The following VPS13C variants were observed in gnomAD, a reference collection of about 807,000 sequenced individuals.
VPS13C encodes the protein vacuolar protein sorting 13 homolog C, also known as intermembrane lipid transfer protein VPS13C.
In VPS13C, 358 loss-of-function variants were observed where a neutral mutation model predicts 456.8. The ratio of observed to expected loss-of-function variants is 0.78; its 90% CI spans 0.72 to 0.86. The LOEUF is 0.86. Ranked by LOEUF, VPS13C falls within the 40% of genes least tolerant of loss-of-function variation. The pLI, the probability that VPS13C is intolerant of heterozygous loss-of-function variation, is 0.00. For synonymous variants in VPS13C, 1,578 were observed against 1,486.7 expected, an observed-to-expected ratio of 1.06 and a Z score of -1.41; for missense variants, 4,818 against 4,385.4, an observed-to-expected ratio of 1.10 and a Z score of -2.79.
rs567814957 is a variant in VPS13C, at chr15:62,001,469, G to A, written c.1291-843C>T. Among the ~76,000 whole-genome samples, 6 of 152,122 alleles carry A rather than the reference G, an allele frequency of 3.9e-5. No individual in the cohort carries two copies. In the East Asian group the frequency reaches 7.7e-4, roughly 20 times the overall value. On this transcript the variant is annotated intron_variant, in intron 15 of 84. Coordinates refer to ENST00000644861, the MANE Select transcript of VPS13C (RefSeq NM_020821.3). ...ACATTAAGCAAATTATGTATCCAGT[G>A]TGTTTCTACCTTTTATTTTTTTTGA...
At chr15:62,041,870 G>T (rs1157738289) in intron 2 of VPS13C, among the ~76,000 whole-genome samples, 1 of 151,842 alleles carries the variant, frequency 6.6e-6, no homozygotes, top group Non-Finnish European at 1.5e-5. Context: ...GAATTCACAA[G>T]AGAAACAAAA....
intron 23 of VPS13C, among the ~76,000 whole-genome samples, chr15:61,978,105 G>A (rs1428697515): frequency 6.6e-6 from 1 of 151,718 alleles, no homozygotes; most frequent in Non-Finnish European, 1.5e-5. Context: ...CAAAGCTTTT[G>A]GAAAATAATT....
At chr15:62,024,491 T>C (rs1378794616) in intron 6 of VPS13C, among the ~76,000 whole-genome samples, 2 of 152,050 alleles carry the variant, frequency 1.3e-5, no homozygotes, top group Non-Finnish European at 2.9e-5. Flanking sequence ...CTTACAAATC[T>C]TCATACTCAA....
rs1028099783 is a variant in VPS13C, at chr15:61,884,178, G to A, written c.9433C>T (p.His3145Tyr). ...IILLEQSYQK[H>Y]QISRDHGWIK... ...CAGCCATGGTCTCTTGATATTTGATGTTTCTGATAGGATTGTTCCAATAAG... is the reference window on the plus strand; with the variant it reads ...CAGCCATGGTCTCTTGATATTTGATATTTCTGATAGGATTGTTCCAATAAG... Residue 3145 changes from histidine to tyrosine, a missense_variant, in exon 68 of 85, where the codon CAT becomes TAT. Physicochemically the swap from His to Tyr is moderately conservative, Grantham distance 83 (BLOSUM62 2). Transcript: ENST00000644861. The A allele has an allele frequency of 6.2e-7, 1 of 1,609,292 alleles. No individual in the cohort carries two copies. Among genetic ancestry groups the A allele is most frequent in the South Asian group, 1.1e-5 (1 of 90,242 alleles).
chr15:61,868,580 T>G, intron 81 of VPS13C, 79 bp downstream of exon 81: 1 of 1,239,156 alleles, frequency 8.1e-7, no homozygotes, highest in Admixed American at 2.0e-5. Context: ...TCAGGAACTT[T>G]AAGAACCACC....
At chr15:61,937,788 A>T (rs2044277783) in intron 47 of VPS13C, among the ~76,000 whole-genome samples, 1 of 151,928 alleles carries the variant, frequency 6.6e-6, no homozygotes, top group African/African-American at 2.4e-5. Context: ...AATAGGCATA[A>T]TACCAACTTT....
chr15:61,884,763 C>G (rs1352641165), intron 67 of VPS13C, among the ~76,000 whole-genome samples: 1 of 152,002 alleles, frequency 6.6e-6, no homozygotes, highest in Non-Finnish European at 1.5e-5. Context: ...AAATGTTCAT[C>G]TATTAATGGT....
chr15:61,895,619 CACAA>C (rs1322875393), intron 66 of VPS13C, among the ~76,000 whole-genome samples: 1 of 152,070 alleles, frequency 6.6e-6, no homozygotes, highest in Non-Finnish European at 1.5e-5. Context: ...AATTTCTGGA[CACAA>C]ACAGTCTGCT....
intron 9 of VPS13C, among the ~76,000 whole-genome samples, chr15:62,015,576 C>T (rs1226743509): frequency 7.2e-6 from 1 of 138,016 alleles, no homozygotes; most frequent in Non-Finnish European, 1.5e-5. Context: ...CACATATACA[C>T]CATGGAATAC....
chr15:62,054,278 C>A (rs1008270055), intron 1 of VPS13C, among the ~76,000 whole-genome samples: 3 of 152,252 alleles, frequency 2.0e-5, no homozygotes, highest in African/African-American at 7.2e-5. Context: ...TATGTACCCA[C>A]CAGGCACTTT....
At chr15:61,865,558 G>A in intron 81 of VPS13C, 1 of 850,350 alleles carries the variant, frequency 1.2e-6, no homozygotes, top group Non-Finnish European at 1.4e-6. Flanking sequence ...GTGTAAATAT[G>A]TGTATGTTTG....
chr15:62,000,537 A>G (rs1179996272), intron 16 of VPS13C, 27 bp downstream of exon 16: 1 of 1,596,858 alleles, frequency 6.3e-7, no homozygotes, highest in African/African-American at 1.3e-5. Flanking sequence ...TGTTTAAAAC[A>G]TAAAATCAGC....
Position 61,931,209 on chromosome 15 carries a change from T to C in VPS13C, c.5919A>G (p.Arg1973=). The C allele has an allele frequency of 3.1e-6, 5 of 1,614,104 alleles. No homozygotes were observed. Among genetic ancestry groups the C allele is most frequent in the Non-Finnish European group, 4.2e-6 (5 of 1,180,022 alleles). The change falls in exon 50 of 85, where the codon AGA becomes AGG. Residue 1973 remains arginine, a synonymous_variant. Coordinates refer to ENST00000644861, the MANE Select transcript of VPS13C (RefSeq NM_020821.3). The stretch of plus-strand genomic sequence containing the variant: ...TCCCTGAGGAGGCCATAAGATGTAG[T>C]CTGAGTTCACCAAGTTGGAAACTGT... ...HNDSFQLGEL[R]LHLMASSGKM...
chr15:61,919,874 T>C (rs568721475), intron 57 of VPS13C, among the ~76,000 whole-genome samples, 193 bp downstream of exon 57: 1 of 149,772 alleles, frequency 6.7e-6, no homozygotes, highest in South Asian at 2.1e-4. Flanking sequence ...AATCTAGTTT[T>C]GTAAAGTTTT....
rs535758503 is a variant in VPS13C, at chr15:62,056,025, A to G, written c.100+4250T>C. 7.9e-5 allele frequency among the ~76,000 whole-genome samples: 12 copies of G among 152,308 alleles called. No individual in the cohort carries two copies. In the South Asian group the frequency reaches 2.3e-3, roughly 29 times the overall value. On this transcript the variant is annotated intron_variant, in intron 1 of 84. Transcript: ENST00000644861. Reference sequence around the variant, plus strand: ...CAAAAAGTCTCAGACACTGTCAAATATACCCTGGGTACAAAGTCACCTCCC... The same window carrying G: ...CAAAAAGTCTCAGACACTGTCAAATGTACCCTGGGTACAAAGTCACCTCCC...
intron 20 of VPS13C, among the ~76,000 whole-genome samples, chr15:61,983,214 G>C (rs1416514830): frequency 6.6e-6 from 1 of 152,100 alleles, no homozygotes; most frequent in Non-Finnish European, 1.5e-5. Flanking sequence ...TTAGCTTTCA[G>C]TCGTAAAGTA....
chr15:61,985,399 G>C (rs2046015340), intron 18 of VPS13C, among the ~76,000 whole-genome samples: 2 of 152,088 alleles, frequency 1.3e-5, no homozygotes, highest in African/African-American at 4.8e-5. Context: ...TGGGATCACA[G>C]GTGCCCGCCA....
Position 61,920,604 on chromosome 15 carries a change from T to C in VPS13C, c.7106A>G (p.Asp2369Gly). The C allele has an allele frequency of 6.3e-7, 1 of 1,594,228 alleles. No homozygotes were observed. The highest frequency in any genetic ancestry group is 8.5e-7 in the Non-Finnish European group (1 of 1,174,780). The change falls in exon 56 of 85, where the codon GAT (aspartate) becomes GGT (glycine). Residue 2369 changes from aspartate (D) to glycine (G), a missense_variant. This residue lies in a region of VPS13C where 4,552 missense variants were observed against 4,130.6 expected (regional missense o/e 1.10). Coordinates refer to ENST00000644861, the MANE Select transcript of VPS13C (RefSeq NM_020821.3). ...PVQDKSLLPG[D>G]DFIPEPQMAI... ...CATTTGTGGCTCAGGAATAAAATCA[T>C]CTCCTGGCAGCAAACTTTTATCCTG...
chr15:62,022,608 A>T (rs2140577190), intron 8 of VPS13C, among the ~76,000 whole-genome samples: 1 of 152,054 alleles, frequency 6.6e-6, no homozygotes, highest in South Asian at 2.1e-4. Context: ...CAATCTACAA[A>T]TGTGTCCTGC....
Sources: allele counts gnomAD v4.1 joint callset (sites outside exome capture counted in the v4.1 genomes callset), GRCh38; gene constraint gnomAD v4.1.1; regional missense constraint gnomAD v4.1.1; transcripts MANE v1.5; gene names NCBI Gene and HGNC (gene_info 2026-07-23, HGNC 2026-07-21).